MDFIC: variants seen among roughly 807,000 people sequenced by gnomAD.
The protein encoded by MDFIC is MyoD family inhibitor domain containing, also known as myoD family inhibitor domain-containing protein.
A neutral mutation model predicts 23.2 loss-of-function variants in MDFIC; 17 were observed. The observed-to-expected ratio is 0.73, with a 90% CI of 0.50 to 1.10. MDFIC has a LOEUF of 1.10. Among genes scored for constraint, MDFIC ranks in the 50% least tolerant of loss-of-function variants. The pLI, the probability that MDFIC is intolerant of heterozygous loss-of-function variation, is 0.00. For missense variants in MDFIC, 356 were observed against 316.6 expected, an observed-to-expected ratio of 1.12 and a Z score of -0.95; for synonymous variants, 120 against 115.2, an observed-to-expected ratio of 1.04 and a Z score of -0.27.
chr7:114,929,782 C>A (rs576565194), intron 2 of MDFIC, among the ~76,000 whole-genome samples: 1 of 151,792 alleles, frequency 6.6e-6, no homozygotes, highest in Non-Finnish European at 1.5e-5. Context: ...AGAAGAAAGC[C>A]GGAAGTTAGA....
In MDFIC at chr7:114,963,510, C is replaced by T. The variant is rs573549488; in HGVS notation, c.218-15996C>T. Among the ~76,000 whole-genome samples the T allele has an allele frequency of 4.6e-5, 7 of 152,232 alleles. No individual in the cohort carries two copies. The East Asian group carries it at 1.4e-3, about 29-fold the overall frequency. On this transcript the variant is annotated intron_variant, in intron 3 of 4. Transcript: ENST00000393486. ...CCTTGCTATCCAAACTAAAAAATTT[C>T]CCTTGATATTCTCTCTGCCAGTAGT...
intron 3 of MDFIC, among the ~76,000 whole-genome samples, chr7:114,976,682 T>G (rs1213075709): frequency 6.6e-6 from 1 of 152,160 alleles, no homozygotes; most frequent in African/African-American, 2.4e-5. Flanking sequence ...GCTAATAGAC[T>G]TGGTGTGAAA....
At chr7:115,007,630 GTATATATATA>G (rs10528546) in intron 4 of MDFIC, among the ~76,000 whole-genome samples, 2 of 132,878 alleles carry the variant, frequency 1.5e-5, no homozygotes, top group African/African-American at 6.2e-5. Flanking sequence ...GCGTGTGTGT[GTATATATATA>G]TATATATATA....
At chr7:114,959,127 C>T (rs1792938661) in intron 3 of MDFIC, among the ~76,000 whole-genome samples, 1 of 152,116 alleles carries the variant, frequency 6.6e-6, no homozygotes, top group Non-Finnish European at 1.5e-5. Context: ...AATGAACAAA[C>T]ATAAGACCAA....
At position 115,016,393 on chromosome 7, in the gene MDFIC, G is replaced by A. The variant is rs963876442; in HGVS notation, c.*458G>A. On this transcript the variant is annotated 3_prime_UTR_variant, in exon 5 of 5. Coordinates refer to ENST00000393486, the MANE Select transcript of MDFIC (RefSeq NM_001166345.3). Reference sequence around the variant, plus strand: ...TACACCTGTAACCCTGGCATTTTGGGAGGCCAAGGTGGGCAGATTGCCTGA... The same window carrying A: ...TACACCTGTAACCCTGGCATTTTGGAAGGCCAAGGTGGGCAGATTGCCTGA... The A allele has an allele frequency of 6.2e-6, 1 of 162,050 alleles. No individual in the cohort carries two copies. The highest frequency in any genetic ancestry group is 1.3e-5 in the Non-Finnish European group (1 of 74,216). The allele number at this position is 162,050 out of a possible 1,614,324, so 10.0% of individuals were successfully genotyped here.
intron 2 of MDFIC, 42 bp from the exon 3 acceptor site, chr7:114,942,233 T>A (rs1374414177): frequency 8.2e-7 from 1 of 1,224,890 alleles, no homozygotes; most frequent in African/African-American, 1.6e-5. Flanking sequence ...GAGAGAAAAA[T>A]ATATAAAATC....
At chr7:114,937,153 T>C (rs1792439450) in intron 2 of MDFIC, among the ~76,000 whole-genome samples, 1 of 152,186 alleles carries the variant, frequency 6.6e-6, no homozygotes, top group Non-Finnish European at 1.5e-5. Context: ...ATGGAAATTC[T>C]ATTTACCTGA....
chr7:115,017,476 T>C lies in MDFIC; in HGVS notation c.*1541T>C, dbSNP rs1049036746. On this transcript the variant is annotated 3_prime_UTR_variant, in exon 5 of 5. Coordinates refer to ENST00000393486, the MANE Select transcript of MDFIC (RefSeq NM_001166345.3). ...TTGTTTCTTAAGCAGTGCTATTTTTTGTAAACACAGATAAATGGAAACCAT... is the reference window on the plus strand; with the variant it reads ...TTGTTTCTTAAGCAGTGCTATTTTTCGTAAACACAGATAAATGGAAACCAT... 6.6e-6 allele frequency: 1 copy of C among 152,492 alleles called. No individual in the cohort carries two copies. Among genetic ancestry groups the C allele is most frequent in the African/African-American group, 2.4e-5 (1 of 41,452 alleles). The allele number at this position is 152,492 out of a possible 1,614,324, so 9.4% of individuals were successfully genotyped here.
chr7:114,942,170 C>T (rs1792554548), intron 2 of MDFIC, 105 bp from the exon 3 acceptor site: 4 of 712,978 alleles, frequency 5.6e-6, no homozygotes, highest in African/African-American at 3.7e-5. Flanking sequence ...GTTCTATTTC[C>T]TTAAATTATG....
At chr7:114,991,913 G>C (rs1485773613) in intron 4 of MDFIC, among the ~76,000 whole-genome samples, 1 of 152,168 alleles carries the variant, frequency 6.6e-6, no homozygotes, top group Admixed American at 6.5e-5. Flanking sequence ...TGATGGGGAT[G>C]GCATTGAATC....
intron 3 of MDFIC, among the ~76,000 whole-genome samples, chr7:114,955,938 C>A (rs113069197): frequency 2.0e-5 from 3 of 152,144 alleles, no homozygotes; most frequent in Admixed American, 6.6e-5. Flanking sequence ...ATCTATAAGA[C>A]TGAGCTCAGA....
chr7:115,008,920 G>A (rs1337256243), intron 4 of MDFIC, among the ~76,000 whole-genome samples: 9 of 152,194 alleles, frequency 5.9e-5, no homozygotes, highest in East Asian at 3.8e-4. Context: ...CTGTTATACC[G>A]CCACTGGGCA....
At chr7:114,926,081 T>C (rs1792185382) in intron 2 of MDFIC, among the ~76,000 whole-genome samples, 1 of 152,206 alleles carries the variant, frequency 6.6e-6, no homozygotes, top group Non-Finnish European at 1.5e-5. Flanking sequence ...CCATTTGTCC[T>C]GGTTTGATTA....
At chr7:114,979,377 T>C in intron 3 of MDFIC, 129 bp from the exon 4 acceptor site, 1 of 915,078 alleles carries the variant, frequency 1.1e-6, no homozygotes, top group Non-Finnish European at 1.6e-6. Context: ...CTTTCTTTTC[T>C]TTGTTGCCTC....
At chr7:114,927,102 A>G (rs534570553) in intron 2 of MDFIC, among the ~76,000 whole-genome samples, 13 of 152,288 alleles carry the variant, frequency 8.5e-5, no homozygotes, top group Admixed American at 3.3e-4. Context: ...TTTACAAGAA[A>G]GAATCACCAG....
intron 3 of MDFIC, among the ~76,000 whole-genome samples, chr7:114,960,522 A>T (rs1351093449): frequency 6.6e-6 from 1 of 152,126 alleles, no homozygotes; most frequent in Non-Finnish European, 1.5e-5. Flanking sequence ...GGATTTCTAC[A>T]TATGAGGAAA....
chr7:115,008,628 T>A (rs1222180699), intron 4 of MDFIC, among the ~76,000 whole-genome samples: 1 of 152,124 alleles, frequency 6.6e-6, no homozygotes, highest in East Asian at 1.9e-4. Context: ...CTTGGAGACA[T>A]GGAGCTACTT....
chr7:114,956,202 AGTAT>A (rs1303946881), intron 3 of MDFIC, among the ~76,000 whole-genome samples: 1 of 152,120 alleles, frequency 6.6e-6, no homozygotes, highest in Non-Finnish European at 1.5e-5. Flanking sequence ...TTTTACCACT[AGTAT>A]TAATAAGACT....
intron 2 of MDFIC, among the ~76,000 whole-genome samples, chr7:114,927,324 CCT>C (rs1792212225): frequency 6.8e-5 from 1 of 14,618 alleles, no homozygotes; most frequent in Non-Finnish European, 1.3e-4. Flanking sequence ...TAAAAACAGT[CCT>C]TTTTTTTTTT....
Sources: allele counts gnomAD v4.1 joint callset (sites outside exome capture counted in the v4.1 genomes callset), GRCh38; gene constraint gnomAD v4.1.1; transcripts MANE v1.5; gene names NCBI Gene and HGNC (gene_info 2026-07-23, HGNC 2026-07-21).